The following COX19 variants were observed in gnomAD, a reference collection of about 807,000 sequenced individuals.
COX19 encodes cytochrome c oxidase assembly factor COX19, also known as cytochrome c oxidase assembly protein COX19.
A neutral mutation model predicts 6.8 loss-of-function variants in COX19; 8 were observed. The observed-to-expected ratio is 1.18, with a 90% CI of 0.69 to 2.12. COX19 has a LOEUF of 2.12. COX19 is among the 30% of genes most tolerant of loss of function. The pLI, the probability that COX19 is intolerant of heterozygous loss-of-function variation, is 0.00. For synonymous variants in COX19, 51 were observed against 38.0 expected, an observed-to-expected ratio of 1.34 and a Z score of -1.26; for missense variants, 131 against 104.6, an observed-to-expected ratio of 1.25 and a Z score of -1.10.
At chr7:971,510 C>T (rs567796083) in intron 2 of COX19, among the ~76,000 whole-genome samples, 5 of 151,920 alleles carry the variant, frequency 3.3e-5, no homozygotes, top group South Asian at 2.1e-4. Flanking sequence ...CGAAATTCTA[C>T]GGTCAAAATA....
At position 973,229 on chromosome 7, in the gene COX19, G is replaced by C. The variant is rs182485964; in HGVS notation, c.146C>G (p.Ala49Gly). The change falls in exon 2 of 3, where the codon GCT (alanine) becomes GGT (glycine). Residue 49 changes from alanine to glycine, a missense_variant. Ala to Gly is a moderately conservative substitution (Grantham distance 60). Transcript: ENST00000344111. ...KCLHNNNFENALCRKESKEYL... is the reference protein window; with the variant it reads ...KCLHNNNFENGLCRKESKEYL... ...TTCTTTTGATTCCTTTCTGCACAAA[G>C]CATTTTCAAAATTATTGTTATGAAG... is the stretch of plus-strand genomic sequence containing the variant. The C allele has an allele frequency of 4.9e-5, 79 of 1,605,958 alleles. No homozygotes were observed. The highest frequency in any genetic ancestry group is 2.7e-4 in the Admixed American group (16 of 58,708).
intron 1 of COX19, among the ~76,000 whole-genome samples, chr7:974,145 C>T (rs945612757): frequency 2.0e-5 from 3 of 149,718 alleles, no homozygotes; most frequent in South Asian, 2.1e-4. Flanking sequence ...TGCAGTGAGT[C>T]GAGATCACAC....
In COX19 at chr7:968,226, C is replaced by G. The variant is rs1413123126; in HGVS notation, c.*1152G>C. ...AAGGGCCACCACTGCAGGACAGAAACAGAGGGCCTTTGCTGCAGAGAACTG... is the reference window on the plus strand; with the variant it reads ...AAGGGCCACCACTGCAGGACAGAAAGAGAGGGCCTTTGCTGCAGAGAACTG... On this transcript the variant is annotated 3_prime_UTR_variant, in exon 3 of 3. Transcript: ENST00000344111. The G allele has an allele frequency of 6.6e-6, 1 of 152,354 alleles. No individual in the cohort carries two copies. Among genetic ancestry groups the G allele is most frequent in the East Asian group, 1.9e-4 (1 of 5,198 alleles). 9.4% of individuals were successfully genotyped at this position (152,354 alleles called of 1,614,324 possible).
chr7:968,775 C>G lies in COX19; in HGVS notation c.*603G>C, dbSNP rs1042515539. On this transcript the variant is annotated 3_prime_UTR_variant, in exon 3 of 3. Transcript: ENST00000344111. ...ACAGGAGTTACTGAAATTAAATACC[C>G]AACTTTATAAATACGGTCTGATACA... 1 of 152,234 alleles carries G rather than the reference C, an allele frequency of 6.6e-6. No homozygotes were observed. The highest frequency in any genetic ancestry group is 1.5e-5 in the Non-Finnish European group (1 of 68,052). 9.4% of individuals were successfully genotyped at this position (152,234 alleles called of 1,614,324 possible).
At chr7:974,668 T>TTC (rs553278859) in intron 1 of COX19, among the ~76,000 whole-genome samples, 36 of 152,144 alleles carry the variant, frequency 2.4e-4, no homozygotes, top group Middle Eastern at 3.4e-3. Flanking sequence ...TTTCTTTCTT[T>TTC]TTTTTTTTGA....
rs1431080693 is a variant in COX19 at position 967,938 on chromosome 7, C to T, written c.*1440G>A. 1.3e-5 allele frequency: 2 copies of T among 152,430 alleles called. No individual in the cohort carries two copies. The highest frequency in any genetic ancestry group is 2.9e-5 in the Non-Finnish European group (2 of 68,052). 9.4% of individuals were successfully genotyped at this position (152,430 alleles called of 1,614,324 possible). A position where few individuals can be genotyped will look rare whatever the true frequency, so the allele number is the denominator to read the frequency against. Reference sequence around the variant, plus strand: ...ACGGCTCACGTGCACTGTGAGGACACTGGGGTTGCTATAGACAGTGCTGGG... The same window carrying T: ...ACGGCTCACGTGCACTGTGAGGACATTGGGGTTGCTATAGACAGTGCTGGG... On this transcript the variant is annotated 3_prime_UTR_variant, in exon 3 of 3. Coordinates refer to ENST00000344111, the MANE Select transcript of COX19 (RefSeq NM_001031617.3).
chr7:970,213 C>T (rs1158748040), intron 2 of COX19, among the ~76,000 whole-genome samples: 1 of 152,048 alleles, frequency 6.6e-6, no homozygotes, highest in Non-Finnish European at 1.5e-5. Context: ...CGGCTCACTG[C>T]AGCCTCCGCC....
intron 2 of COX19, 122 bp from the exon 3 acceptor site, chr7:969,578 A>G (rs1847607181): frequency 6.9e-6 from 5 of 723,098 alleles, no homozygotes; most frequent in Non-Finnish European, 2.4e-6. Context: ...GTCCTGGGAG[A>G]GTGGCCCCTC....
intron 2 of COX19, among the ~76,000 whole-genome samples, chr7:970,981 A>C (rs1562945917): frequency 6.6e-6 from 1 of 152,142 alleles, no homozygotes. Flanking sequence ...GACAATAGTT[A>C]CTATCATGTG....
At position 965,125 on chromosome 7, in the gene COX19, T is replaced by C. The variant is rs1219506100; in HGVS notation, c.*4253A>G. Among the ~76,000 whole-genome samples, 1 of 152,230 alleles carries C rather than the reference T, an allele frequency of 6.6e-6. No homozygotes were observed. Among genetic ancestry groups the C allele is most frequent in the Non-Finnish European group, 1.5e-5 (1 of 68,046 alleles). On this transcript the variant is annotated 3_prime_UTR_variant, in exon 3 of 3. Transcript: ENST00000344111. ...ATTTTGGGATTCCGGCTTCTCTGCC[T>C]GTGACCTGCTGAAACCATTCATGCC... is the stretch of plus-strand genomic sequence containing the variant.
At chr7:971,468 T>A (rs920892324) in intron 2 of COX19, among the ~76,000 whole-genome samples, 2 of 152,196 alleles carry the variant, frequency 1.3e-5, no homozygotes, top group African/African-American at 4.8e-5. Flanking sequence ...AACTTCTGTA[T>A]GTTTGATGAT....
At chr7:971,786 G>A (rs1345708371) in intron 2 of COX19, among the ~76,000 whole-genome samples, 2 of 152,192 alleles carry the variant, frequency 1.3e-5, no homozygotes, top group Non-Finnish European at 2.9e-5. Flanking sequence ...TGGGAGAATG[G>A]GGTGAACCCG....
At position 969,087 on chromosome 7, in the gene COX19, C is replaced by G; in HGVS notation, c.*291G>C. On this transcript the variant is annotated 3_prime_UTR_variant, in exon 3 of 3. Coordinates refer to ENST00000344111, the MANE Select transcript of COX19 (RefSeq NM_001031617.3). ...TCAGAGGACTGCAACATAAAACCGC[C>G]CCATACAAGAGGGCCCCGGCCTCGA... is the stretch of plus-strand genomic sequence containing the variant. 1 of 343,958 alleles carries G rather than the reference C, an allele frequency of 2.9e-6. No individual in the cohort carries two copies. The highest frequency in any genetic ancestry group is 5.3e-6 in the Non-Finnish European group (1 of 188,248). 21.3% of individuals were successfully genotyped at this position (343,958 alleles called of 1,614,324 possible).
chr7:972,391 G>A (rs530421630), intron 2 of COX19, among the ~76,000 whole-genome samples: 24 of 152,278 alleles, frequency 1.6e-4, no homozygotes, highest in African/African-American at 4.8e-4. Context: ...AAGGCACAAC[G>A]GATTTTTGCC....
chr7:971,581 A>C (rs35245971), intron 2 of COX19, among the ~76,000 whole-genome samples: 13,936 of 152,248 alleles, frequency 0.092, 779 homozygotes, highest in South Asian at 0.15. Context: ...AAAACAAAAA[A>C]CAACAAAAGC....
intron 2 of COX19, among the ~76,000 whole-genome samples, chr7:970,877 A>C (rs1344214518): frequency 1.3e-5 from 2 of 152,330 alleles, no homozygotes; most frequent in Admixed American, 1.3e-4. Flanking sequence ...ACTTCTTGCC[A>C]AAATAATTCC....
chr7:969,955 TA>T (rs1341105111), intron 2 of COX19, among the ~76,000 whole-genome samples: 61 of 126,968 alleles, frequency 4.8e-4, no homozygotes, highest in East Asian at 1.9e-3. Context: ...AGTTATCTGA[TA>T]TTTTTTTTTT....
intron 1 of COX19, chr7:975,156 G>C (rs1030377527): frequency 2.5e-6 from 1 of 395,488 alleles, no homozygotes; most frequent in African/African-American, 2.1e-5. Context: ...AGCCCGCCGG[G>C]TGAGTCAGGG....
chr7:969,900 C>A (rs1847612072), intron 2 of COX19, among the ~76,000 whole-genome samples: 1 of 152,080 alleles, frequency 6.6e-6, no homozygotes, highest in Admixed American at 6.6e-5. Context: ...GCAGAGGAGA[C>A]CTCAGGCTGC....
Sources: gnomAD v4.1 joint callset for allele counts (sites outside exome capture counted in the v4.1 genomes callset) on GRCh38, gnomAD v4.1.1 for gene constraint, MANE v1.5 for transcripts, NCBI Gene and HGNC (gene_info 2026-07-23, HGNC 2026-07-21) for gene names.